Variants in SLC22A23 observed in about 807,000 individuals in gnomAD.
The protein encoded by SLC22A23 is solute carrier family 22 member 23.
A neutral mutation model predicts 61.0 loss-of-function variants in SLC22A23; 26 were observed. The observed-to-expected ratio is 0.43, with a 90% CI of 0.31 to 0.59. The LOEUF is 0.59. Ranked by LOEUF, SLC22A23 falls within the 20% of genes least tolerant of loss-of-function variation. The pLI is 0.11. For synonymous variants in SLC22A23, 430 were observed against 413.9 expected (o/e 1.04, Z -0.47); for missense variants, 796 against 934.7 (o/e 0.85, Z 1.94).
At chr6:3,424,986 G>A (rs146443845) in intron 1 of SLC22A23, among the ~76,000 whole-genome samples, 2 of 152,278 alleles carry the variant, frequency 1.3e-5, no homozygotes, top group Non-Finnish European at 2.9e-5. Context: ...GAGTGTTAAC[G>A]TCAGGTAGGA....
intron 3 of SLC22A23, among the ~76,000 whole-genome samples, chr6:3,366,735 G>A (rs888585213): frequency 6.6e-6 from 1 of 152,100 alleles, no homozygotes; most frequent in South Asian, 2.1e-4. Flanking sequence ...CTCAGAGAGC[G>A]ACTTAAAGCA....
At chr6:3,366,688 C>T (rs1466794840) in intron 3 of SLC22A23, among the ~76,000 whole-genome samples, 1 of 152,094 alleles carries the variant, frequency 6.6e-6, no homozygotes, top group Non-Finnish European at 1.5e-5. Flanking sequence ...CTTCACAGAC[C>T]ACTCTCATAA....
At chr6:3,417,458 G>T (rs1174004187) in intron 1 of SLC22A23, among the ~76,000 whole-genome samples, 5 of 152,186 alleles carry the variant, frequency 3.3e-5, no homozygotes, top group Non-Finnish European at 7.3e-5. Flanking sequence ...TGGGGAGAAG[G>T]GCACTGCTGG....
At chr6:3,422,882 C>A (rs1445484360) in intron 1 of SLC22A23, among the ~76,000 whole-genome samples, 1 of 152,138 alleles carries the variant, frequency 6.6e-6, no homozygotes, top group Non-Finnish European at 1.5e-5. Context: ...ATGGAAGATA[C>A]ACCCCAACTC....
intron 9 of SLC22A23, among the ~76,000 whole-genome samples, chr6:3,282,942 A>G (rs1397520740): frequency 6.6e-6 from 1 of 152,218 alleles, no homozygotes; most frequent in Non-Finnish European, 1.5e-5. Flanking sequence ...GTGGCTGAGC[A>G]CAGGTTAGTC....
intron 3 of SLC22A23, among the ~76,000 whole-genome samples, chr6:3,403,616 C>T (rs1039364855): frequency 6.6e-6 from 1 of 152,190 alleles, no homozygotes; most frequent in Non-Finnish European, 1.5e-5. Flanking sequence ...AGTCCAACAA[C>T]ACTAGGTACT....
Position 3,386,696 on chromosome 6 carries a change from G to C in SLC22A23, c.913+23492C>G, listed in dbSNP as rs1168871429. The stretch of plus-strand genomic sequence containing the variant: ...GAAAAGAGTGAATCCAGGACTGCCG[G>C]GGACCTGCCCCAGGGTCACCCAGCG... On this transcript the variant is annotated intron_variant, in intron 3 of 9. Transcript: ENST00000406686. The surrounding 1 kb of genome is among the most constrained non-coding windows in gnomAD (Gnocchi z 4.4). Among the ~76,000 whole-genome samples the C allele has an allele frequency of 2.6e-5, 4 of 152,206 alleles. No individual in the cohort carries two copies. The highest frequency in any genetic ancestry group is 5.9e-5 in the Non-Finnish European group (4 of 68,024).
chr6:3,350,112 C>T (rs1452117956), intron 3 of SLC22A23, among the ~76,000 whole-genome samples: 4 of 152,206 alleles, frequency 2.6e-5, no homozygotes, highest in South Asian at 2.1e-4. Flanking sequence ...TGCACACACA[C>T]ACCCCAAATT....
rs1768606254 is a variant in SLC22A23 at position 3,403,798 on chromosome 6, ATTTGT to A, written c.913+6385_913+6389del. On this transcript the variant is annotated intron_variant, in intron 3 of 9. Transcript: ENST00000406686. ...TTACGTTGAAGCTCAATAGTTTTCCATTTGTTTTGTTTTCCATTCATTTTCTCCAC... is the reference window on the plus strand; with the variant it reads ...TTACGTTGAAGCTCAATAGTTTTCCATTTGTTTTCCATTCATTTTCTCCAC... 2.0e-5 allele frequency among the ~76,000 whole-genome samples: 3 copies of A among 152,318 alleles called. No individual in the cohort carries two copies. The Middle Eastern group carries it at 0.01, about 518-fold the overall frequency.
chr6:3,419,316 G>C (rs1189466094), intron 1 of SLC22A23, among the ~76,000 whole-genome samples: 2 of 152,090 alleles, frequency 1.3e-5, no homozygotes, highest in African/African-American at 4.8e-5. Context: ...TATAGGGATG[G>C]GGCAGGCGCT....
intron 1 of SLC22A23, 95 bp from the exon 2 acceptor site, chr6:3,415,950 C>T (rs1769667792): frequency 1.2e-6 from 1 of 856,076 alleles, no homozygotes; most frequent in East Asian, 2.7e-5. Flanking sequence ...CTGCAGGGAC[C>T]ACCGCACCGT....
chr6:3,355,095 A>C (rs758826424), intron 3 of SLC22A23, among the ~76,000 whole-genome samples: 1 of 151,856 alleles, frequency 6.6e-6, no homozygotes, highest in Non-Finnish European at 1.5e-5. Flanking sequence ...GCCTCTCCAC[A>C]TGGCAGTATT....
At chr6:3,430,667 AC>A (rs541293981) in intron 1 of SLC22A23, among the ~76,000 whole-genome samples, 20 of 152,238 alleles carry the variant, frequency 1.3e-4, no homozygotes, top group Non-Finnish European at 2.1e-4. Context: ...GCGGCAGCAG[AC>A]ACACAGAAGG....
At chr6:3,443,382 G>A (rs1488913002) in intron 1 of SLC22A23, among the ~76,000 whole-genome samples, 2 of 152,174 alleles carry the variant, frequency 1.3e-5, no homozygotes, top group Non-Finnish European at 2.9e-5. Flanking sequence ...GTTGGTGACT[G>A]TCCAACGGCT....
At chr6:3,455,392 T>C (rs1342482468) in intron 1 of SLC22A23, among the ~76,000 whole-genome samples, 6 of 152,180 alleles carry the variant, frequency 3.9e-5, no homozygotes, top group African/African-American at 1.4e-4. Context: ...AAGTCAGATA[T>C]CTTTGGGGAG....
At chr6:3,377,330 C>T (rs548072491) in intron 3 of SLC22A23, among the ~76,000 whole-genome samples, 10 of 152,092 alleles carry the variant, frequency 6.6e-5, no homozygotes, top group Non-Finnish European at 8.8e-5. Flanking sequence ...CAAAGAAGGG[C>T]ATTGCTGCTG....
In SLC22A23 at chr6:3,309,845, T is replaced by C. The variant is rs1390494544; in HGVS notation, c.1083-11627A>G. Among the ~76,000 whole-genome samples the C allele has an allele frequency of 6.6e-6, 1 of 152,194 alleles. No individual in the cohort carries two copies. The highest frequency in any genetic ancestry group is 2.4e-5 in the African/African-American group (1 of 41,442). On this transcript the variant is annotated intron_variant, in intron 4 of 9. Transcript: ENST00000406686. This position sits in a 1 kb window ranked among gnomAD's most constrained non-coding sequence, Gnocchi z 4.7. Reference sequence around the variant, plus strand: ...GATTGCACTTAACCCAGCCCCTCACTGCACAGCAGGTGACCTAGGCCTGGC... The same window carrying C: ...GATTGCACTTAACCCAGCCCCTCACCGCACAGCAGGTGACCTAGGCCTGGC...
In SLC22A23 at chr6:3,269,711, A is replaced by C. The variant is rs1356642036; in HGVS notation, c.*3344T>G. 1.3e-5 allele frequency: 2 copies of C among 152,826 alleles called. No homozygotes were observed. Among genetic ancestry groups the C allele is most frequent in the Admixed American group, 6.5e-5 (1 of 15,290 alleles). 9.5% of individuals were successfully genotyped at this position (152,826 alleles called of 1,614,324 possible). Reference sequence around the variant, plus strand: ...CATGACACACCATACTGCTTTTCCAAAACACACGGGACATGAAAGCGAGGT... The same window carrying C: ...CATGACACACCATACTGCTTTTCCACAACACACGGGACATGAAAGCGAGGT... On this transcript the variant is annotated 3_prime_UTR_variant, in exon 10 of 10. Transcript: ENST00000406686.
At chr6:3,279,731 C>T (rs980708671) in intron 9 of SLC22A23, among the ~76,000 whole-genome samples, 2 of 151,912 alleles carry the variant, frequency 1.3e-5, no homozygotes, top group Non-Finnish European at 2.9e-5. Context: ...TCTGGGTTGT[C>T]ACTAGAGGGC....
Sources: gnomAD v4.1 joint callset for allele counts (sites outside exome capture counted in the v4.1 genomes callset) on GRCh38, gnomAD v4.1.1 for gene constraint, Gnocchi (gnomAD v3.1) non-coding constraint, MANE v1.5 for transcripts, NCBI Gene and HGNC (gene_info 2026-07-23, HGNC 2026-07-21) for gene names.